B4GALT1: variants seen among roughly 807,000 people sequenced by gnomAD.
B4GALT1 encodes beta-1,4-galactosyltransferase 1.
A neutral mutation model predicts 34.9 loss-of-function variants in B4GALT1; 16 were observed. The ratio of observed to expected loss-of-function variants is 0.46; its 90% CI spans 0.31 to 0.70. B4GALT1 has a LOEUF of 0.70. B4GALT1 is among the 30% of genes least tolerant of loss of function. The probability of loss-of-function intolerance (pLI) is 0.05; values close to 1 mark genes in which losing one functional copy is unlikely to be tolerated. For synonymous variants in B4GALT1, 221 were observed against 218.1 expected (o/e 1.01, Z -0.12); for missense variants, 445 against 530.5 (o/e 0.84, Z 1.58).
intron 1 of B4GALT1, among the ~76,000 whole-genome samples, chr9:33,165,253 C>A (rs893687624): frequency 6.6e-6 from 1 of 152,076 alleles, no homozygotes; most frequent in Non-Finnish European, 1.5e-5. Context: ...CAGGCGTGAG[C>A]CACCATGCCC....
At chr9:33,165,523 G>C (rs1840737519) in intron 1 of B4GALT1, among the ~76,000 whole-genome samples, 1 of 152,108 alleles carries the variant, frequency 6.6e-6, no homozygotes, top group South Asian at 2.1e-4. Flanking sequence ...CACAGTTCAC[G>C]TCTGACCAAT....
At chr9:33,132,676 G>A (rs1293691781) in intron 2 of B4GALT1, among the ~76,000 whole-genome samples, 1 of 152,112 alleles carries the variant, frequency 6.6e-6, no homozygotes. Context: ...TGAGCCTGGG[G>A]AGTATGTAAA....
the B4GALT1 span, among the ~76,000 whole-genome samples, chr9:33,177,952 G>A: frequency 1.3e-5 from 2 of 151,506 alleles, no homozygotes; most frequent in East Asian, 3.9e-4. Context: ...GTTCTCAGAA[G>A]GAGCATTCTG....
chr9:33,139,495 C>T (rs1159424922), intron 1 of B4GALT1, among the ~76,000 whole-genome samples: 1 of 152,178 alleles, frequency 6.6e-6, no homozygotes, highest in Non-Finnish European at 1.5e-5. Flanking sequence ...AAGGATCTTG[C>T]AGCTCACACC....
At chr9:33,117,643 T>C (rs1839960035) in intron 3 of B4GALT1, among the ~76,000 whole-genome samples, 1 of 152,186 alleles carries the variant, frequency 6.6e-6, no homozygotes, top group Non-Finnish European at 1.5e-5. Context: ...ATACAGAACA[T>C]ATGAAAATAA....
At chr9:33,126,667 G>GTTAACATTGTTACCTATT (rs1358355119) in intron 2 of B4GALT1, among the ~76,000 whole-genome samples, 2 of 32,838 alleles carry the variant, frequency 6.1e-5, no homozygotes, top group African/African-American at 1.4e-4. Flanking sequence ...ATAGCAATAT[G>GTTAACATTGTTACCTATT]GTAGCTCAGA....
At chr9:33,168,324 A>T (rs1354176902), upstream of B4GALT1, among the ~76,000 whole-genome samples, 1 of 152,162 alleles carries the variant, frequency 6.6e-6, no homozygotes, top group Non-Finnish European at 1.5e-5. Context: ...AAGCCACTTG[A>T]CCTCGATTTG....
intron 1 of B4GALT1, among the ~76,000 whole-genome samples, chr9:33,159,961 G>T (rs1355351520): frequency 6.6e-6 from 1 of 152,232 alleles, no homozygotes; most frequent in Non-Finnish European, 1.5e-5. Flanking sequence ...TGCTCAGCCA[G>T]ATCCTAAGAG....
chr9:33,157,716 C>T (rs1295718517), intron 1 of B4GALT1, among the ~76,000 whole-genome samples: 3 of 103,788 alleles, frequency 2.9e-5, no homozygotes, highest in Non-Finnish European at 4.7e-5. Flanking sequence ...GTATTTTCAA[C>T]TAAAAAAAAA....
the B4GALT1 span, among the ~76,000 whole-genome samples, chr9:33,175,218 G>A: frequency 6.6e-6 from 1 of 150,580 alleles, no homozygotes; most frequent in Admixed American, 6.6e-5. Context: ...GAAGGCTGAG[G>A]CAGGGGATCA....
upstream of B4GALT1, among the ~76,000 whole-genome samples, chr9:33,167,881 C>G (rs1484350885): frequency 6.6e-6 from 1 of 152,250 alleles, no homozygotes; most frequent in African/African-American, 2.4e-5. Context: ...CTCCCTAACT[C>G]AGCCCGGCTG....
At chr9:33,121,095 C>T (rs1308836302) in intron 2 of B4GALT1, among the ~76,000 whole-genome samples, 2 of 152,332 alleles carry the variant, frequency 1.3e-5, no homozygotes, top group Non-Finnish European at 2.9e-5. Flanking sequence ...TCACTTCTAC[C>T]TTCCTTATAT....
intron 1 of B4GALT1, among the ~76,000 whole-genome samples, chr9:33,148,639 G>A (rs1377892410): frequency 1.3e-5 from 2 of 152,196 alleles, no homozygotes; most frequent in African/African-American, 4.8e-5. Context: ...ACACGGCAAC[G>A]TGGATGGACC....
chr9:33,120,320 A>T lies in B4GALT1; in HGVS notation c.836+99T>A. On this transcript the variant is annotated intron_variant, in intron 3 of 5. Transcript: ENST00000379731. ...TTTCTCAGAGGAGGCATTCTGCTCC[A>T]GAGCTTAAAGAGGCACTCTTGAGCT... The T allele has an allele frequency of 4.4e-6, 6 of 1,369,924 alleles. No homozygotes were observed. In the South Asian group the frequency reaches 7.0e-5, roughly 16 times the overall value. 84.9% of individuals were successfully genotyped at this position (1,369,924 alleles called of 1,614,324 possible).
chr9:33,108,465 T>A (rs1030541399), downstream of B4GALT1, among the ~76,000 whole-genome samples: 26 of 112,442 alleles, frequency 2.3e-4, no homozygotes, highest in African/African-American at 7.2e-4. Flanking sequence ...AAAAAAAAAA[T>A]TCTGAAAGGC....
intron 1 of B4GALT1, among the ~76,000 whole-genome samples, chr9:33,166,316 C>A (rs1056815302): frequency 4.6e-5 from 7 of 152,198 alleles, no homozygotes; most frequent in Non-Finnish European, 8.8e-5. Flanking sequence ...TGGCAAGACA[C>A]GTGAACCGAG....
intron 1 of B4GALT1, among the ~76,000 whole-genome samples, chr9:33,141,055 T>G (rs1328473164): frequency 2.0e-5 from 3 of 152,220 alleles, no homozygotes; most frequent in African/African-American, 7.2e-5. Flanking sequence ...CACTCAAGGT[T>G]GGTTCTTAAG....
chr9:33,104,822 CT>C (rs145270477), intron 2 of B4GALT1: 43,450 of 374,640 alleles, frequency 0.12, 11 homozygotes, highest in South Asian at 0.14. Context: ...ATCATTTTAC[CT>C]TTTTTTTTTT....
the B4GALT1 span, among the ~76,000 whole-genome samples, chr9:33,176,719 A>G: frequency 6.6e-6 from 1 of 152,156 alleles, no homozygotes; most frequent in East Asian, 1.9e-4. Flanking sequence ...TGGAGGGACA[A>G]GAGTTGAAAA....
Sources: allele counts gnomAD v4.1 joint callset (sites outside exome capture counted in the v4.1 genomes callset), GRCh38; gene constraint gnomAD v4.1.1; transcripts MANE v1.5; gene names NCBI Gene and HGNC (gene_info 2026-07-23, HGNC 2026-07-21).